MAGI2: variants seen among roughly 807,000 people sequenced by gnomAD.
The protein encoded by MAGI2 is membrane-associated guanylate kinase, WW and PDZ domain-containing protein 2.
A neutral mutation model predicts 133.3 loss-of-function variants in MAGI2; 35 were observed. The observed-to-expected ratio is 0.26, with a 90% CI of 0.20 to 0.35. The LOEUF is 0.35. Among genes scored for constraint, MAGI2 ranks in the 10% least tolerant of loss-of-function variants. MAGI2 has a pLI of 1.00. For missense variants in MAGI2, 1,636 were observed against 1,863.4 expected (o/e 0.88, Z 2.25); for synonymous variants, 729 against 710.6 (o/e 1.03, Z -0.41).
At chr7:79,448,005 A>C (rs1433535510) in intron 1 of MAGI2, among the ~76,000 whole-genome samples, 1 of 151,876 alleles carries the variant, frequency 6.6e-6, no homozygotes, top group Non-Finnish European at 1.5e-5. Flanking sequence ...AAGAAGTATA[A>C]ACTCCTAAAC....
At chr7:78,327,608 T>TA (rs1394245925) in intron 9 of MAGI2, among the ~76,000 whole-genome samples, 1 of 152,162 alleles carries the variant, frequency 6.6e-6, no homozygotes, top group Non-Finnish European at 1.5e-5. Flanking sequence ...TTGATTATAG[T>TA]AGGGGAGCCC....
chr7:78,421,060 C>T (rs755617132), intron 6 of MAGI2, among the ~76,000 whole-genome samples: 6 of 152,122 alleles, frequency 3.9e-5, no homozygotes, highest in Non-Finnish European at 8.8e-5. Context: ...TGAACGGACT[C>T]AAGGATGAAA....
At chr7:79,122,526 A>G (rs1246595777) in intron 1 of MAGI2, among the ~76,000 whole-genome samples, 1 of 152,240 alleles carries the variant, frequency 6.6e-6, no homozygotes, top group East Asian at 1.9e-4. Context: ...AGAGTTTATC[A>G]CATTATCTTC....
intron 3 of MAGI2, among the ~76,000 whole-genome samples, chr7:78,589,759 A>C (rs745530520): frequency 5.3e-5 from 8 of 152,208 alleles, no homozygotes; most frequent in Non-Finnish European, 1.0e-4. Flanking sequence ...GTTTTATTAC[A>C]CTTCAAGAAA....
chr7:78,625,302 C>T (rs1808227953), intron 3 of MAGI2, among the ~76,000 whole-genome samples: 1 of 151,202 alleles, frequency 6.6e-6, no homozygotes, highest in Non-Finnish European at 1.5e-5. Flanking sequence ...TCCCAGCCCC[C>T]AGAGAAAACA....
chr7:78,662,172 T>C (rs1813031814), intron 2 of MAGI2, among the ~76,000 whole-genome samples: 1 of 152,202 alleles, frequency 6.6e-6, no homozygotes, highest in South Asian at 2.1e-4. Flanking sequence ...CCTTTTTGTT[T>C]ATTTTAGGGT....
At chr7:78,455,978 C>T (rs530407453) in intron 6 of MAGI2, among the ~76,000 whole-genome samples, 2 of 127,400 alleles carry the variant, frequency 1.6e-5, no homozygotes, top group African/African-American at 4.4e-5. Context: ...GAGACCCACT[C>T]GATATTTTCT....
chr7:78,343,584 T>C (rs369409363), intron 9 of MAGI2, among the ~76,000 whole-genome samples, 194 bp downstream of exon 9: 3 of 152,144 alleles, frequency 2.0e-5, no homozygotes, highest in African/African-American at 7.2e-5. Flanking sequence ...AGGCAAAAAT[T>C]ATATTCAAAA....
In MAGI2 at chr7:79,328,971, G is replaced by A. The variant is rs778955301; in HGVS notation, c.301+124049C>T. On this transcript the variant is annotated intron_variant, in intron 1 of 21. Transcript: ENST00000354212. ...ATTAGGAATTTGCAGAAATACAAATGTGGGGGCCCTACTGCGGATCTACTG... is the reference window on the plus strand; with the variant it reads ...ATTAGGAATTTGCAGAAATACAAATATGGGGGCCCTACTGCGGATCTACTG... Among the ~76,000 whole-genome samples, 5 of 152,328 alleles carry A rather than the reference G, an allele frequency of 3.3e-5. No individual in the cohort carries two copies. The South Asian group carries it at 6.2e-4, about 19-fold the overall frequency.
At chr7:78,739,980 A>G (rs1233904318) in intron 2 of MAGI2, among the ~76,000 whole-genome samples, 1 of 152,050 alleles carries the variant, frequency 6.6e-6, no homozygotes, top group Non-Finnish European at 1.5e-5. Context: ...AACACGGTGA[A>G]ACCCCGTTTC....
intron 10 of MAGI2, among the ~76,000 whole-genome samples, chr7:78,250,597 T>A (rs1043773830): frequency 6.6e-6 from 1 of 152,046 alleles, no homozygotes; most frequent in African/African-American, 2.4e-5. Flanking sequence ...AAGTTAGTTC[T>A]TAAAAAGGAA....
chr7:78,088,954 G>T (rs1237215759), intron 20 of MAGI2, among the ~76,000 whole-genome samples: 1 of 152,220 alleles, frequency 6.6e-6, no homozygotes, highest in Non-Finnish European at 1.5e-5. Context: ...ATGCAAGACA[G>T]AAGCAGAGGT....
At chr7:78,990,797 T>C (rs1805684013) in intron 2 of MAGI2, among the ~76,000 whole-genome samples, 1 of 152,000 alleles carries the variant, frequency 6.6e-6, no homozygotes, top group Non-Finnish European at 1.5e-5. Flanking sequence ...ATTTACCACC[T>C]ATATGTAACC....
chr7:78,642,374 G>T (rs1222918822), intron 2 of MAGI2, among the ~76,000 whole-genome samples: 1 of 152,140 alleles, frequency 6.6e-6, no homozygotes, highest in Admixed American at 6.6e-5. Context: ...CAAAGAAAAA[G>T]AACTATCTTA....
At chr7:78,331,333 T>C (rs998024609) in intron 9 of MAGI2, among the ~76,000 whole-genome samples, 4 of 148,888 alleles carry the variant, frequency 2.7e-5, no homozygotes, top group Admixed American at 6.7e-5. Context: ...GTAACAAACC[T>C]GCACAGGTAC....
At chr7:79,173,777 G>A (rs1259281803) in intron 1 of MAGI2, among the ~76,000 whole-genome samples, 1 of 152,038 alleles carries the variant, frequency 6.6e-6, no homozygotes, top group Non-Finnish European at 1.5e-5. Context: ...ATATTATAAA[G>A]CTGAAGTCAT....
At chr7:79,310,194 AAG>A (rs71095394) in intron 1 of MAGI2, among the ~76,000 whole-genome samples, 16,675 of 92,428 alleles carry the variant, frequency 0.18, 5,094 homozygotes, top group Middle Eastern at 0.25. Context: ...AAAAAAAAAA[AAG>A]AGAGAGAGAG....
intron 2 of MAGI2, among the ~76,000 whole-genome samples, chr7:78,891,156 C>G (rs551998111): frequency 6.6e-6 from 1 of 152,300 alleles, no homozygotes; most frequent in African/African-American, 2.4e-5. Flanking sequence ...ATGACACATA[C>G]ACCCTCCCAA....
chr7:78,249,878 A>C (rs1792205880), intron 10 of MAGI2, among the ~76,000 whole-genome samples: 1 of 152,090 alleles, frequency 6.6e-6, no homozygotes, highest in Non-Finnish European at 1.5e-5. Context: ...AGAAATGATA[A>C]ATGCTTGAGG....
Sources: gnomAD v4.1 joint callset for allele counts (sites outside exome capture counted in the v4.1 genomes callset) on GRCh38, gnomAD v4.1.1 for gene constraint, MANE v1.5 for transcripts, NCBI Gene and HGNC (gene_info 2026-07-23, HGNC 2026-07-21) for gene names.